DEFB124: variants seen among roughly 807,000 people sequenced by gnomAD.
The protein encoded by DEFB124 is beta-defensin 124.
For synonymous variants in DEFB124, 38 were observed against 36.5 expected (o/e 1.04, Z -0.15); for missense variants, 78 against 83.1 (o/e 0.94, Z 0.24).
intron 2 of DEFB124, among the ~76,000 whole-genome samples, chr20:31,471,976 A>G (rs1240084324): frequency 2.3e-3 from 353 of 151,042 alleles, no homozygotes; most frequent in African/African-American, 5.7e-3. Flanking sequence ...CCAGGCAGAG[A>G]CGCTCCTCAC....
chr20:31,470,083 C>A (rs967679363), intron 2 of DEFB124, among the ~76,000 whole-genome samples: 1 of 130,242 alleles, frequency 7.7e-6, no homozygotes, highest in African/African-American at 3.3e-5. Flanking sequence ...GGGGGCTGAC[C>A]CCCCCACCTC....
chr20:31,473,858 C>T (rs1450375733), intron 1 of DEFB124, among the ~76,000 whole-genome samples: 1 of 152,208 alleles, frequency 6.6e-6, no homozygotes, highest in Non-Finnish European at 1.5e-5. Context: ...ACAAGCCCTC[C>T]AAGTGATTCT....
intron 2 of DEFB124, among the ~76,000 whole-genome samples, chr20:31,468,606 G>A (rs1448655552): frequency 6.6e-6 from 1 of 151,822 alleles, no homozygotes; most frequent in Non-Finnish European, 1.5e-5. Flanking sequence ...CTCCCGAGTA[G>A]CTGGGATTAC....
intron 1 of DEFB124, among the ~76,000 whole-genome samples, chr20:31,474,148 G>GT (rs1307419301): frequency 1.3e-4 from 20 of 152,204 alleles, no homozygotes; most frequent in Admixed American, 1.3e-4. Flanking sequence ...TAGCAAGAGT[G>GT]TAAGCTGTTC....
At chr20:31,465,974 T>C (rs1980073921) in intron 2 of DEFB124, among the ~76,000 whole-genome samples, 1 of 151,846 alleles carries the variant, frequency 6.6e-6, no homozygotes, top group South Asian at 2.1e-4. Context: ...CTGGCCAACA[T>C]GACAAAACCC....
chr20:31,471,236 T>A (rs1295780095), intron 2 of DEFB124, among the ~76,000 whole-genome samples: 1 of 123,380 alleles, frequency 8.1e-6, no homozygotes, highest in African/African-American at 3.2e-5. Flanking sequence ...GCAGAGGGGC[T>A]CCTCGCTTCC....
chr20:31,469,439 C>CT lies in DEFB124; in HGVS notation c.58+3516dup, dbSNP rs879880646. 5.5e-4 allele frequency among the ~76,000 whole-genome samples: 81 copies of CT among 146,466 alleles called. 1 individual carries two copies. Among genetic ancestry groups the CT allele is most frequent in the Middle Eastern group, 3.5e-3 (1 of 282 alleles). ...TCAAAAAGTAGAAAAAGAAACAAAT[C>CT]TTTTTTTTTTTTAATTTTTATTTTT... On this transcript the variant is annotated intron_variant, in intron 2 of 2. Transcript: ENST00000317676.
chr20:31,467,921 CT>C (rs2122446142), intron 2 of DEFB124, among the ~76,000 whole-genome samples: 1 of 152,140 alleles, frequency 6.6e-6, no homozygotes, highest in African/African-American at 2.4e-5. Flanking sequence ...CCCAACTAAT[CT>C]TTTTGTTTTT....
intron 2 of DEFB124, among the ~76,000 whole-genome samples, chr20:31,471,803 T>G (rs1980323897): frequency 5.4e-5 from 5 of 93,402 alleles, no homozygotes; most frequent in South Asian, 4.0e-4. Context: ...TCTCAGACGA[T>G]GGGCGGCCGG....
chr20:31,472,368 G>C (rs9753639), intron 2 of DEFB124, among the ~76,000 whole-genome samples: 30,911 of 149,916 alleles, frequency 0.21, 4,415 homozygotes, highest in African/African-American at 0.4. Context: ...GTCCAGCTTC[G>C]GCTCGGCATC....
rs926051383 is a variant in DEFB124, at chr20:31,474,919, C to G, written c.-318G>C. Among the ~76,000 whole-genome samples, 3 of 152,220 alleles carry G rather than the reference C, an allele frequency of 2.0e-5. No individual in the cohort carries two copies. Among genetic ancestry groups the G allele is most frequent in the African/African-American group, 2.4e-5 (1 of 41,450 alleles). ...GCAGATTCCCGAACCCCTCCCCCAG[C>G]ACCGTGGAATCCGCCTCTCTTGGAA... On this transcript the variant is annotated 5_prime_UTR_variant, in exon 1 of 3. Coordinates refer to ENST00000317676, the MANE Select transcript of DEFB124 (RefSeq NM_001037500.2).
intron 2 of DEFB124, among the ~76,000 whole-genome samples, chr20:31,471,131 G>T (rs1366146240): frequency 7.5e-6 from 1 of 132,844 alleles, no homozygotes; most frequent in Non-Finnish European, 1.7e-5. Context: ...TGGCCGGGCG[G>T]GGGGTTGACC....
At chr20:31,470,770 T>C (rs1242333896) in intron 2 of DEFB124, among the ~76,000 whole-genome samples, 1 of 111,820 alleles carries the variant, frequency 8.9e-6, no homozygotes, top group African/African-American at 3.4e-5. Flanking sequence ...CACTTCCCAG[T>C]AGGGGCGGCT....
rs1980064592 is a variant in DEFB124, at chr20:31,465,638, C to T, written c.84G>A (p.Trp28Ter). The stretch of plus-strand genomic sequence containing the variant: ...AAGTTTGGCAGGCCCCTTGACCCTT[C>T]CAGCACCGTTTGAATTCACTTCTCC... ...PSGRSEFKRC[W>*]KGQGACQTYC... The change falls in exon 3 of 3, where the codon TGG becomes TGA. Residue 28 changes from tryptophan (W) to a stop codon, truncating the protein, a stop_gained. Coordinates refer to ENST00000317676, the MANE Select transcript of DEFB124 (RefSeq NM_001037500.2). LOFTEE classifies it low-confidence loss of function (END_TRUNC). 4 of 1,613,986 alleles carry T rather than the reference C, an allele frequency of 2.5e-6. No individual in the cohort carries two copies. The highest frequency in any genetic ancestry group is 3.4e-6 in the Non-Finnish European group (4 of 1,180,022).
chr20:31,470,577 G>A (rs1185795722), intron 2 of DEFB124, among the ~76,000 whole-genome samples: 1 of 129,450 alleles, frequency 7.7e-6, no homozygotes, highest in Non-Finnish European at 1.6e-5. Flanking sequence ...CTCCATCCCG[G>A]ACGGGGCGGC....
rs757440748 is a variant in DEFB124 at position 31,465,646 on chromosome 20, G to C, written c.76C>G (p.Arg26Gly). 1.2e-6 allele frequency: 2 copies of C among 1,613,752 alleles called. No homozygotes were observed. Among genetic ancestry groups the C allele is most frequent in the Non-Finnish European group, 1.7e-6 (2 of 1,180,008 alleles). ...HVPSGRSEFK[R>G]CWKGQGACQT... ...CAGGCCCCTTGACCCTTCCAGCACC[G>C]TTTGAATTCACTTCTCCCTAAACAG... The change falls in exon 3 of 3, where the codon CGG (arginine) becomes GGG (glycine). Residue 26 changes from arginine to glycine, a missense_variant. Physicochemically the swap from Arg to Gly is moderately radical, Grantham distance 125. Coordinates refer to ENST00000317676, the MANE Select transcript of DEFB124 (RefSeq NM_001037500.2).
At chr20:31,467,052 G>C (rs1461319749) in intron 2 of DEFB124, among the ~76,000 whole-genome samples, 1 of 152,194 alleles carries the variant, frequency 6.6e-6, no homozygotes, top group South Asian at 2.1e-4. Context: ...TGGCCAGTTA[G>C]AATGCATGTG....
At chr20:31,467,196 C>T (rs1980104874) in intron 2 of DEFB124, among the ~76,000 whole-genome samples, 1 of 152,210 alleles carries the variant, frequency 6.6e-6, no homozygotes, top group African/African-American at 2.4e-5. Flanking sequence ...AGGGGAAAGG[C>T]TTCCCTGCAT....
chr20:31,471,440 C>T (rs1980299844), intron 2 of DEFB124, among the ~76,000 whole-genome samples: 1 of 109,028 alleles, frequency 9.2e-6, no homozygotes, highest in Non-Finnish European at 1.8e-5. Context: ...CCGGACGGGG[C>T]GGCTGGCCGG....
Sources: gnomAD v4.1 joint callset for allele counts (sites outside exome capture counted in the v4.1 genomes callset) on GRCh38, gnomAD v4.1.1 for gene constraint, MANE v1.5 for transcripts, NCBI Gene and HGNC (gene_info 2026-07-23, HGNC 2026-07-21) for gene names.